The following PHF21B variants were observed in gnomAD, a reference collection of about 807,000 sequenced individuals.
The protein encoded by PHF21B is PHD finger protein 4.
Under a neutral mutation model 62.2 loss-of-function variants are expected in PHF21B, and 22 were observed. That is an observed-to-expected ratio of 0.35 (90% CI 0.25 to 0.51). The LOEUF (loss-of-function observed/expected upper bound fraction) is 0.51. Among genes scored for constraint, PHF21B ranks in the 20% least tolerant of loss-of-function variants. The pLI is 0.97. For missense variants in PHF21B, 701 were observed against 707.9 expected (o/e 0.99, Z 0.11); for synonymous variants, 341 against 314.7 (o/e 1.08, Z -0.88).
intron 2 of PHF21B, among the ~76,000 whole-genome samples, chr22:44,968,643 CAAAAAA>C (rs57203297): frequency 6.9e-4 from 79 of 113,752 alleles, no homozygotes; most frequent in African/African-American, 2.3e-3. Flanking sequence ...GATTCCATCT[CAAAAAA>C]AAAAAAAAAA....
At chr22:45,005,785 G>C (rs571265221) in intron 2 of PHF21B, among the ~76,000 whole-genome samples, 1 of 152,200 alleles carries the variant, frequency 6.6e-6, no homozygotes, top group South Asian at 2.1e-4. Flanking sequence ...TCTGGAGGTG[G>C]AGATGGTATA....
At chr22:44,918,068 C>A (rs1204595103) in intron 3 of PHF21B, among the ~76,000 whole-genome samples, 2 of 152,248 alleles carry the variant, frequency 1.3e-5, no homozygotes, top group African/African-American at 4.8e-5. Context: ...GCCTTTGTCC[C>A]CCAATGCCAG....
intron 2 of PHF21B, among the ~76,000 whole-genome samples, chr22:44,937,712 ACTGTGGG>A: frequency 6.6e-6 from 1 of 152,370 alleles, no homozygotes; most frequent in South Asian, 2.1e-4. Context: ...GGGCAAACCT[ACTGTGGG>A]ACCCCCACGC....
Position 44,881,760 on chromosome 22 carries a change from T to A in PHF21B, c.*1326A>T, listed in dbSNP as rs369159266. Reference sequence around the variant, plus strand: ...GTGATATGCTCGGGGTGGGAGCCCGTGGCTCCTGGACGCTTATCCTGTTGT... The same window carrying A: ...GTGATATGCTCGGGGTGGGAGCCCGAGGCTCCTGGACGCTTATCCTGTTGT... On this transcript the variant is annotated 3_prime_UTR_variant, in exon 13 of 13. Coordinates refer to ENST00000313237, the MANE Select transcript of PHF21B (RefSeq NM_138415.5). 1 of 152,844 alleles carries A rather than the reference T, an allele frequency of 6.5e-6. No individual in the cohort carries two copies. The highest frequency in any genetic ancestry group is 1.5e-5 in the Non-Finnish European group (1 of 68,070). 9.5% of individuals were successfully genotyped at this position (152,844 alleles called of 1,614,324 possible).
rs542971965 is a variant in PHF21B at position 44,920,209 on chromosome 22, G to A, written c.213+189C>T. On this transcript the variant is annotated intron_variant, in intron 3 of 12. Coordinates refer to ENST00000313237, the MANE Select transcript of PHF21B (RefSeq NM_138415.5). ...ATTGATTTCCCAATTCCTTGCTGAA[G>A]AAACGTATCTGGTCCAAATGTTTCC... Among the ~76,000 whole-genome samples the A allele has an allele frequency of 1.2e-4, 19 of 152,322 alleles. No homozygotes were observed. The South Asian group carries it at 3.5e-3, about 28-fold the overall frequency.
At position 44,964,651 on chromosome 22, in the gene PHF21B, C is replaced by A. The variant is rs191556351; in HGVS notation, c.120+43894G>T. Among the ~76,000 whole-genome samples, 5 of 152,350 alleles carry A rather than the reference C, an allele frequency of 3.3e-5. No homozygotes were observed. In the East Asian group the frequency reaches 7.7e-4, roughly 23 times the overall value. On this transcript the variant is annotated intron_variant, in intron 2 of 12. Transcript: ENST00000313237. ...GTCTTTGGGGAAAAGTTTTTGCCTG[C>A]GGCACAAGTTCCCATGTGACTTTAG...
intron 5 of PHF21B, among the ~76,000 whole-genome samples, chr22:44,904,290 T>A (rs564052333): frequency 2.2e-3 from 267 of 121,216 alleles, no homozygotes; most frequent in African/African-American, 9.0e-3. Context: ...CAAAACTGGA[T>A]TTTTTTTTTC....
intron 12 of PHF21B, 30 bp downstream of exon 12, chr22:44,885,396 G>A (rs901130756): frequency 4.6e-6 from 7 of 1,538,450 alleles, no homozygotes; most frequent in Non-Finnish European, 6.1e-6. Context: ...GCAGGGCTGA[G>A]GCCAGCCTCC....
At chr22:44,942,057 G>A (rs1318287657) in intron 2 of PHF21B, among the ~76,000 whole-genome samples, 3 of 152,220 alleles carry the variant, frequency 2.0e-5, no homozygotes, top group African/African-American at 7.2e-5. Flanking sequence ...CGGCCCTGGG[G>A]ACTCAGAACA....
intron 2 of PHF21B, among the ~76,000 whole-genome samples, chr22:44,966,028 C>T (rs1256842898): frequency 6.6e-6 from 1 of 152,240 alleles, no homozygotes; most frequent in Non-Finnish European, 1.5e-5. Flanking sequence ...GTGTCTTCCT[C>T]TGGAGACAGG....
At chr22:44,890,453 C>T (rs373305208) in intron 8 of PHF21B, among the ~76,000 whole-genome samples, 9 of 152,296 alleles carry the variant, frequency 5.9e-5, no homozygotes, top group African/African-American at 1.9e-4. Flanking sequence ...GCACAGCACT[C>T]GACAGCTCAC....
chr22:44,958,728 C>A (rs977016381), intron 2 of PHF21B, among the ~76,000 whole-genome samples: 1 of 151,404 alleles, frequency 6.6e-6, no homozygotes, highest in Non-Finnish European at 1.5e-5. Context: ...GCCTCAGCCT[C>A]TTGAGTAGCT....
chr22:44,990,858 T>C (rs956213220), intron 2 of PHF21B, among the ~76,000 whole-genome samples: 4 of 152,190 alleles, frequency 2.6e-5, no homozygotes, highest in Non-Finnish European at 4.4e-5. Context: ...AATAAAAATT[T>C]CGATCAATGT....
chr22:44,901,532 G>C (rs867626821), intron 5 of PHF21B: 25 of 230,080 alleles, frequency 1.1e-4, no homozygotes, highest in Middle Eastern at 2.8e-3. Context: ...GCCTCCTGTA[G>C]GTTTCACTTA....
At position 45,009,703 on chromosome 22, in the gene PHF21B, G is replaced by A. The variant is rs930743966; in HGVS notation, c.-154C>T. On this transcript the variant is annotated 5_prime_UTR_variant, in exon 1 of 13. Coordinates refer to ENST00000313237, the MANE Select transcript of PHF21B (RefSeq NM_138415.5). This position sits in a 1 kb window ranked among gnomAD's most constrained non-coding sequence, Gnocchi z 5.9. ...CCCTCCCCCACGGCCGAAAGGGAAG[G>A]GGGCTGGCGAAGGGGAAGACAGGCT... The A allele has an allele frequency of 1.8e-4, 118 of 663,454 alleles. No homozygotes were observed. The highest frequency in any genetic ancestry group is 3.4e-4 in the Admixed American group (8 of 23,450). The allele number at this position is 663,454 out of a possible 1,614,324, so 41.1% of individuals were successfully genotyped here. A position where few individuals can be genotyped will look rare whatever the true frequency, so the allele number is the denominator to read the frequency against.
Position 44,882,560 on chromosome 22 carries a change from G to A in PHF21B, c.*526C>T, listed in dbSNP as rs1014635793. On this transcript the variant is annotated 3_prime_UTR_variant, in exon 13 of 13. Coordinates refer to ENST00000313237, the MANE Select transcript of PHF21B (RefSeq NM_138415.5). ...CAGGCCCGCCCGCCCACCCCAGGGG[G>A]ACCTCCTAGGAGCGTGGGGCATTGA... 7.5e-6 allele frequency: 1 copy of A among 133,166 alleles called. No individual in the cohort carries two copies. The highest frequency in any genetic ancestry group is 2.7e-5 in the African/African-American group (1 of 36,428). 8.2% of individuals were successfully genotyped at this position (133,166 alleles called of 1,614,324 possible). A position where few individuals can be genotyped will look rare whatever the true frequency, so the allele number is the denominator to read the frequency against.
At chr22:44,918,058 G>A (rs1270842948) in intron 3 of PHF21B, among the ~76,000 whole-genome samples, 1 of 152,256 alleles carries the variant, frequency 6.6e-6, no homozygotes. Context: ...AGAGGTCAGG[G>A]CCTTTGTCCC....
At chr22:44,975,098 A>T (rs191301005) in intron 2 of PHF21B, among the ~76,000 whole-genome samples, 6 of 152,058 alleles carry the variant, frequency 3.9e-5, no homozygotes, top group East Asian at 1.9e-4. Flanking sequence ...CTGCTCCCCA[A>T]TCTGCACCCT....
chr22:44,965,450 C>G (rs747351013), intron 2 of PHF21B, among the ~76,000 whole-genome samples: 1 of 151,982 alleles, frequency 6.6e-6, no homozygotes, highest in East Asian at 1.9e-4. Context: ...CTCCCTACCC[C>G]ATAGGTTCTG....
Sources: gnomAD v4.1 joint callset for allele counts (sites outside exome capture counted in the v4.1 genomes callset) on GRCh38, gnomAD v4.1.1 for gene constraint, Gnocchi (gnomAD v3.1) non-coding constraint, MANE v1.5 for transcripts, NCBI Gene and HGNC (gene_info 2026-07-23, HGNC 2026-07-21) for gene names.